TXNRD1: variants seen among roughly 807,000 people sequenced by gnomAD.
TXNRD1 encodes the protein thioredoxin reductase 1, cytoplasmic.
Under a neutral mutation model 80.3 loss-of-function variants are expected in TXNRD1, and 57 were observed. The observed-to-expected ratio is 0.71, with a 90% confidence interval of 0.57 to 0.89. The LOEUF (loss-of-function observed/expected upper bound fraction) is 0.89, where lower values mean the gene tolerates loss of function less well. TXNRD1 is among the 40% of genes least tolerant of loss of function. The pLI is 0.00. For missense variants in TXNRD1, 730 were observed against 803.0 expected (o/e 0.91, Z 1.10); for synonymous variants, 291 against 285.2 (o/e 1.02, Z -0.20).
rs149744173 is a variant in TXNRD1 at position 104,271,513 on chromosome 12, G to A, written c.304+13434G>A. Among the ~76,000 whole-genome samples, 243 of 152,200 alleles carry A rather than the reference G, an allele frequency of 1.6e-3. 1 individual carries two copies. Among genetic ancestry groups the A allele is most frequent in the African/African-American group, 5.6e-3 (234 of 41,516 alleles). ...TGTTCTTATAGGTTTTGGGATAGGC[G>A]GTGGAGTTAGGAGCAATGTTTTGTG... On this transcript the variant is annotated intron_variant, in intron 3 of 16. Coordinates refer to ENST00000525566, the MANE Select transcript of TXNRD1 (RefSeq NM_001093771.3).
intron 1 of TXNRD1, among the ~76,000 whole-genome samples, chr12:104,246,007 G>A (rs958827730): frequency 6.6e-6 from 1 of 151,122 alleles, no homozygotes; most frequent in African/African-American, 2.4e-5. Flanking sequence ...CAGCTACTCG[G>A]GAGGTCAAGG....
chr12:104,337,255 G>C (rs572184436), intron 15 of TXNRD1, among the ~76,000 whole-genome samples: 9 of 152,052 alleles, frequency 5.9e-5, no homozygotes, highest in Non-Finnish European at 1.2e-4. Context: ...ATATGTGTAA[G>C]AGTACCATAT....
At chr12:104,256,479 A>G (rs1173332487) in intron 2 of TXNRD1, among the ~76,000 whole-genome samples, 1 of 152,158 alleles carries the variant, frequency 6.6e-6, no homozygotes, top group Non-Finnish European at 1.5e-5. Flanking sequence ...CATCTAAAAG[A>G]GTTTAAGAAA....
intron 3 of TXNRD1, among the ~76,000 whole-genome samples, chr12:104,267,668 TC>T (rs2033542261): frequency 4.2e-5 from 2 of 47,346 alleles, no homozygotes; most frequent in Non-Finnish European, 8.9e-5. Flanking sequence ...TTTCTTTCTT[TC>T]TTTCTTTCTT....
At chr12:104,304,138 G>A (rs1411626117) in intron 4 of TXNRD1, 2 of 1,614,100 alleles carry the variant, frequency 1.2e-6, no homozygotes, top group Admixed American at 1.7e-5. Flanking sequence ...CCTTAACCGA[G>A]GCTCTGGAGG....
At chr12:104,298,660 G>C (rs2034511412) in intron 4 of TXNRD1, among the ~76,000 whole-genome samples, 2 of 152,068 alleles carry the variant, frequency 1.3e-5, no homozygotes, top group African/African-American at 4.8e-5. Flanking sequence ...GGAGGCGGAG[G>C]TTGTAGTGAG....
At chr12:104,246,149 T>C (rs1593702347) in intron 1 of TXNRD1, among the ~76,000 whole-genome samples, 2 of 123,358 alleles carry the variant, frequency 1.6e-5, no homozygotes, top group Admixed American at 9.1e-5. Flanking sequence ...TTTTCCCAGC[T>C]GGGCACAGTG....
At chr12:104,328,124 C>A (rs2035828360) in intron 13 of TXNRD1, among the ~76,000 whole-genome samples, 1 of 150,304 alleles carries the variant, frequency 6.7e-6, no homozygotes, top group Admixed American at 6.6e-5. Context: ...AAGATTGTGC[C>A]ACTCTACTCC....
intron 1 of TXNRD1, among the ~76,000 whole-genome samples, chr12:104,222,329 C>T (rs1179796057): frequency 6.6e-6 from 1 of 151,990 alleles, no homozygotes; most frequent in African/African-American, 2.4e-5. Flanking sequence ...GTGTAAATGA[C>T]CGCTGTCAAA....
At chr12:104,325,561 A>G (rs1198799113) in intron 11 of TXNRD1, 132 bp downstream of exon 11, 1 of 677,260 alleles carries the variant, frequency 1.5e-6, no homozygotes, top group Non-Finnish European at 2.6e-6. Flanking sequence ...TAGACATCTC[A>G]ATAACTTATG....
intron 1 of TXNRD1, among the ~76,000 whole-genome samples, chr12:104,244,590 C>T (rs2032938389): frequency 6.6e-6 from 1 of 152,046 alleles, no homozygotes; most frequent in Non-Finnish European, 1.5e-5. Flanking sequence ...AACTATGGTA[C>T]ATAGGACTTG....
At chr12:104,303,792 C>G in intron 4 of TXNRD1, 1 of 1,305,716 alleles carries the variant, frequency 7.7e-7, no homozygotes, top group Non-Finnish European at 1.0e-6. Flanking sequence ...GCTGGGAGGG[C>G]CGTTACCTCA....
chr12:104,227,617 A>G (rs1044961554), intron 1 of TXNRD1, among the ~76,000 whole-genome samples: 5 of 152,156 alleles, frequency 3.3e-5, no homozygotes, highest in African/African-American at 9.7e-5. Context: ...ATCGGGTTAC[A>G]TAACAGTTCC....
At chr12:104,301,806 C>T (rs2034636386) in intron 4 of TXNRD1, among the ~76,000 whole-genome samples, 1 of 152,216 alleles carries the variant, frequency 6.6e-6, no homozygotes, top group Non-Finnish European at 1.5e-5. Context: ...CAGATACGAT[C>T]CTTGAATGAT....
At chr12:104,269,914 A>G (rs904283916) in intron 3 of TXNRD1, among the ~76,000 whole-genome samples, 1 of 151,862 alleles carries the variant, frequency 6.6e-6, no homozygotes, top group Non-Finnish European at 1.5e-5. Flanking sequence ...GGGTCCCACT[A>G]TGTTGCCCAG....
intron 1 of TXNRD1, among the ~76,000 whole-genome samples, chr12:104,238,337 CAT>C (rs1175519276): frequency 1.3e-5 from 2 of 152,162 alleles, no homozygotes; most frequent in African/African-American, 2.4e-5. Context: ...GTATGGGACT[CAT>C]AAAGAACTGA....
chr12:104,296,500 C>T (rs1331791388), intron 4 of TXNRD1, among the ~76,000 whole-genome samples: 1 of 152,198 alleles, frequency 6.6e-6, no homozygotes, highest in Non-Finnish European at 1.5e-5. Flanking sequence ...CTCAACCCCC[C>T]TGGGCTCAAG....
chr12:104,323,125 G>A (rs1273756699), intron 10 of TXNRD1, among the ~76,000 whole-genome samples: 1 of 122,960 alleles, frequency 8.1e-6, no homozygotes, highest in Non-Finnish European at 1.7e-5. Flanking sequence ...TGGGGGTAAG[G>A]TCACAGATCA....
chr12:104,318,869 C>G, intron 7 of TXNRD1, 44 bp from the exon 8 acceptor site: 1 of 1,583,666 alleles, frequency 6.3e-7, no homozygotes, highest in Non-Finnish European at 8.6e-7. Context: ...TCTTTGCCAG[C>G]AGTTGAAAAG....
Sources: gnomAD v4.1 joint callset for allele counts (sites outside exome capture counted in the v4.1 genomes callset) on GRCh38, gnomAD v4.1.1 for gene constraint, MANE v1.5 for transcripts, NCBI Gene and HGNC (gene_info 2026-07-23, HGNC 2026-07-21) for gene names.